The following C3 variants were observed in gnomAD, a reference collection of about 807,000 sequenced individuals.
C3 encodes the protein complement C3, also known as C3 and PZP-like alpha-2-macroglobulin domain-containing protein 1.
C3 carries 97 observed loss-of-function variants against 207.9 expected under a neutral mutation model. The ratio of observed to expected loss-of-function variants is 0.47; its 90% CI spans 0.40 to 0.55. The LOEUF is 0.55. Ranked by LOEUF, C3 falls within the 20% of genes least tolerant of loss-of-function variation. The pLI is 0.00. For synonymous variants in C3, 848 were observed against 857.6 expected, an observed-to-expected ratio of 0.99 and a Z score of 0.20; for missense variants, 1,684 against 2,171.7, an observed-to-expected ratio of 0.78 and a Z score of 4.46.
Position 6,711,120 on chromosome 19 carries a change from ACGGTG to A in C3, c.1341_1345del (p.Thr448GlyfsTer139), listed in dbSNP as rs754149073. 6.2e-7 allele frequency: 1 copy of A among 1,614,022 alleles called. No homozygotes were observed. The highest frequency in any genetic ancestry group is 1.1e-5 in the South Asian group (1 of 91,080). The stretch of plus-strand genomic sequence containing the variant: ...ATGCAGGTAATTGTTGGAGTTGCCC[ACGGTG>A]CTGTAGGGCAGAGCCTGCATGGTCC... On this transcript the variant is annotated frameshift_variant, in exon 12 of 41. Coordinates refer to ENST00000245907, the MANE Select transcript of C3 (RefSeq NM_000064.4). LOFTEE classifies it high-confidence loss of function.
In C3 at chr19:6,697,077, A is replaced by ATT. The variant is rs1555685017; in HGVS notation, c.2796+266_2796+267insAA. Among the ~76,000 whole-genome samples the ATT allele has an allele frequency of 3.1e-3, 152 of 49,002 alleles. 14 individuals carry two copies. Among genetic ancestry groups the ATT allele is most frequent in the African/African-American group, 8.7e-3 (146 of 16,840 alleles). 32.1% of individuals were successfully genotyped at this position (49,002 alleles called of 152,430 possible). On this transcript the variant is annotated intron_variant, in intron 21 of 40. Transcript: ENST00000245907. ...ACAAACAAATAAATAAATAAATAAA[A>ATT]AATTTCAAATCGAGTATAAAAAAAT...
chr19:6,693,133 G>C (rs1275997559), intron 25 of C3, 50 bp from the exon 26 acceptor site: 1 of 1,601,280 alleles, frequency 6.2e-7, no homozygotes, highest in Non-Finnish European at 8.5e-7. Context: ...TCCAGAGACT[G>C]CCATGTCAAC....
chr19:6,710,607 A>G (rs1173655411), intron 13 of C3, 32 bp downstream of exon 13: 1 of 1,535,734 alleles, frequency 6.5e-7, no homozygotes, highest in Non-Finnish European at 9.0e-7. Context: ...AGGGAGAGGG[A>G]GAGGGGGCGA....
intron 14 of C3, among the ~76,000 whole-genome samples, chr19:6,708,836 G>A (rs1008052495): frequency 9.2e-5 from 14 of 151,750 alleles, no homozygotes; most frequent in African/African-American, 3.4e-4. Context: ...ACAGGCATGC[G>A]CCATCATGCC....
intron 17 of C3, among the ~76,000 whole-genome samples, chr19:6,704,473 T>G (rs1967733116): frequency 1.3e-5 from 2 of 152,072 alleles, no homozygotes; most frequent in Non-Finnish European, 2.9e-5. Flanking sequence ...TTTTAATATT[T>G]TTCAGCCAGG....
intron 4 of C3, among the ~76,000 whole-genome samples, chr19:6,715,628 GT>G (rs1383678918): frequency 7.0e-6 from 1 of 143,374 alleles, no homozygotes; most frequent in Non-Finnish European, 1.5e-5. Context: ...TGTTTTTTTT[GT>G]TTTTTTTTTT....
At chr19:6,679,522 G>T in intron 36 of C3, 26 bp from the exon 37 acceptor site, 1 of 1,514,980 alleles carries the variant, frequency 6.6e-7, no homozygotes, top group Non-Finnish European at 9.2e-7. Flanking sequence ...ATGTGAAGAT[G>T]AGAGGATAAG....
chr19:6,693,709 G>C (rs117487480), intron 24 of C3, among the ~76,000 whole-genome samples: 10 of 143,138 alleles, frequency 7.0e-5, no homozygotes, highest in Non-Finnish European at 1.4e-4. Context: ...AGAGGAGAAG[G>C]ATATTGAGGG....
intron 19 of C3, among the ~76,000 whole-genome samples, chr19:6,701,715 G>C (rs953556367): frequency 2.0e-5 from 3 of 152,094 alleles, no homozygotes; most frequent in Non-Finnish European, 4.4e-5. Flanking sequence ...AGTAGAGACG[G>C]GGTTTCACCA....
chr19:6,698,250 C>T (rs1967581992), intron 19 of C3, among the ~76,000 whole-genome samples: 1 of 152,002 alleles, frequency 6.6e-6, no homozygotes, highest in Non-Finnish European at 1.5e-5. Context: ...CTCTTGACCT[C>T]ACGATCCACC....
chr19:6,719,126 A>C lies in C3; in HGVS notation c.267+85T>G. 8.5e-7 allele frequency: 1 copy of C among 1,179,144 alleles called. No homozygotes were observed. Among genetic ancestry groups the C allele is most frequent in the Non-Finnish European group, 1.2e-6 (1 of 801,148 alleles). The allele number at this position is 1,179,144 out of a possible 1,614,324, so 73.0% of individuals were successfully genotyped here. On this transcript the variant is annotated intron_variant, in intron 2 of 40. Coordinates refer to ENST00000245907, the MANE Select transcript of C3 (RefSeq NM_000064.4). The surrounding 1 kb of genome is among the most constrained non-coding windows in gnomAD (Gnocchi z 5.4). ...GAAGGGCAGGGCTTAGAAAGGGAGA[A>C]GACAGAAGGGGAGGGGCTCAGGAGG...
At chr19:6,686,971 G>A in intron 27 of C3, 69 bp from the exon 28 acceptor site, 1 of 1,488,244 alleles carries the variant, frequency 6.7e-7, no homozygotes, top group Non-Finnish European at 9.4e-7. Context: ...GATCATTCGA[G>A]CAGCACTTCC....
intron 25 of C3, 86 bp downstream of exon 25, chr19:6,693,326 A>G: frequency 7.2e-7 from 1 of 1,388,406 alleles, no homozygotes; most frequent in Non-Finnish European, 9.9e-7. Context: ...GGCTGGCCTA[A>G]GGGACCACCC....
At position 6,684,791 on chromosome 19, in the gene C3, C is replaced by A; in HGVS notation, c.4013G>T (p.Gly1338Val). The change falls in exon 31 of 41, where the codon GGC (glycine) becomes GTC (valine). Residue 1338 changes from glycine to valine, a missense_variant. Gly to Val is a moderately radical substitution (Grantham distance 109). Coordinates refer to ENST00000245907, the MANE Select transcript of C3 (RefSeq NM_000064.4). ...EGFTVTAEGKGQGTLSVVTMY... is the reference protein window; with the variant it reads ...EGFTVTAEGKVQGTLSVVTMY... ...GTTCCTTACCGACAAGGTGCCTTGG[C>A]CTTTTCCTTCAGCTGTGACTGTGAA... 6.2e-7 allele frequency: 1 copy of A among 1,614,172 alleles called. No individual in the cohort carries two copies. The highest frequency in any genetic ancestry group is 8.5e-7 in the Non-Finnish European group (1 of 1,180,028).
intron 2 of C3, 138 bp from the exon 3 acceptor site, chr19:6,718,550 G>A: frequency 4.1e-6 from 4 of 968,606 alleles, no homozygotes; most frequent in African/African-American, 3.2e-5. Flanking sequence ...GGGGAGGGAG[G>A]GGCATGTGAA....
chr19:6,699,932 T>C (rs1223926991), intron 19 of C3, among the ~76,000 whole-genome samples: 1 of 149,958 alleles, frequency 6.7e-6, no homozygotes, highest in Non-Finnish European at 1.5e-5. Context: ...TATAGATATG[T>C]AATCAATAAT....
chr19:6,720,296 A>G (rs540820698), intron 1 of C3, among the ~76,000 whole-genome samples: 5 of 152,238 alleles, frequency 3.3e-5, no homozygotes, highest in African/African-American at 7.2e-5. Flanking sequence ...GCCCAAATGT[A>G]TATAAACTCC....
rs1917782125 is a variant in C3, at chr19:6,678,585, A to T, written c.4631-130T>A. On this transcript the variant is annotated intron_variant, in intron 38 of 40. Transcript: ENST00000245907. ...AAGTTGCAGAATCACAGCCAGTCAC[A>T]CTATGGCCCACCCCTCATTACACAC... 4.2e-6 allele frequency: 3 copies of T among 711,602 alleles called. No homozygotes were observed. In the East Asian group the frequency reaches 8.1e-5, roughly 19 times the overall value. 44.1% of individuals were successfully genotyped at this position (711,602 alleles called of 1,614,324 possible).
intron 17 of C3, among the ~76,000 whole-genome samples, chr19:6,705,233 T>C (rs951666855): frequency 2.0e-5 from 3 of 152,178 alleles, no homozygotes; most frequent in African/African-American, 7.2e-5. Flanking sequence ...TAGACCAGAC[T>C]TTTTGTCTAA....
Sources: gnomAD v4.1 joint callset for allele counts (sites outside exome capture counted in the v4.1 genomes callset) on GRCh38, gnomAD v4.1.1 for gene constraint, Gnocchi (gnomAD v3.1) non-coding constraint, MANE v1.5 for transcripts, NCBI Gene and HGNC (gene_info 2026-07-23, HGNC 2026-07-21) for gene names.